Variants in S100Z observed in about 807,000 individuals in gnomAD.
S100Z encodes the protein protein S100-Z.
S100Z carries 11 observed loss-of-function variants against 8.5 expected under a neutral mutation model. The observed-to-expected ratio is 1.30, with a 90% confidence interval of 0.82 to 2.15. The LOEUF is 2.15. Among genes scored for constraint, S100Z ranks in the 30% most tolerant of loss-of-function variants. S100Z has a pLI of 0.00. For missense variants in S100Z, 126 were observed against 117.9 expected, an observed-to-expected ratio of 1.07 and a Z score of -0.32; for synonymous variants, 34 against 43.8, an observed-to-expected ratio of 0.78 and a Z score of 0.89.
chr5:76,881,899 C>G (rs1273278810), intron 4 of S100Z, among the ~76,000 whole-genome samples: 1 of 152,130 alleles, frequency 6.6e-6, no homozygotes, highest in Non-Finnish European at 1.5e-5. Flanking sequence ...ACTTCAGCTT[C>G]CTTTGGAAGT....
intron 1 of S100Z, among the ~76,000 whole-genome samples, chr5:76,852,194 T>C (rs1427678360): frequency 6.6e-6 from 1 of 152,182 alleles, no homozygotes; most frequent in East Asian, 1.9e-4. Context: ...CCACTCCACT[T>C]GGCTGTCTGG....
chr5:76,851,552 C>T (rs1243712927), intron 1 of S100Z, among the ~76,000 whole-genome samples: 1 of 152,068 alleles, frequency 6.6e-6, no homozygotes, highest in Non-Finnish European at 1.5e-5. Context: ...ACTCAGGTTT[C>T]TGGCCATGCA....
At chr5:76,939,374 A>C in the S100Z span, among the ~76,000 whole-genome samples, 1 of 150,656 alleles carries the variant, frequency 6.6e-6, no homozygotes, top group Non-Finnish European at 1.5e-5. Context: ...GGATGGTCTC[A>C]ATCTCCTGAC....
intron 4 of S100Z, among the ~76,000 whole-genome samples, chr5:76,906,237 ATAAT>A (rs1343470059): frequency 4.6e-5 from 7 of 152,256 alleles, no homozygotes; most frequent in African/African-American, 1.7e-4. Context: ...TCCATTGTGA[ATAAT>A]TAAGCTAACA....
At chr5:76,934,458 G>C in the S100Z span, among the ~76,000 whole-genome samples, 2 of 152,172 alleles carry the variant, frequency 1.3e-5, no homozygotes, top group Non-Finnish European at 2.9e-5. Flanking sequence ...AAATGAGTAG[G>C]CAAGTGCTAT....
At chr5:76,866,654 G>T (rs566945320) in intron 1 of S100Z, among the ~76,000 whole-genome samples, 2 of 152,150 alleles carry the variant, frequency 1.3e-5, no homozygotes, top group Non-Finnish European at 2.9e-5. Flanking sequence ...ACAGTTGCCT[G>T]CAGTATTCAG....
At chr5:76,903,930 T>C (rs1451870916) in intron 4 of S100Z, among the ~76,000 whole-genome samples, 1 of 151,940 alleles carries the variant, frequency 6.6e-6, no homozygotes, top group African/African-American at 2.4e-5. Flanking sequence ...AGATGGCTGT[T>C]AGTAGAGACC....
the S100Z span, among the ~76,000 whole-genome samples, chr5:76,933,562 G>A: frequency 2.6e-5 from 4 of 152,126 alleles, no homozygotes; most frequent in East Asian, 1.9e-4. Context: ...TACCATCCCC[G>A]GAGCATTTGT....
chr5:76,914,256 G>A (rs948816837), intron 4 of S100Z, among the ~76,000 whole-genome samples: 3 of 152,114 alleles, frequency 2.0e-5, no homozygotes, highest in Non-Finnish European at 2.9e-5. Flanking sequence ...TTAGAGGGGG[G>A]ATTGAGAGGT....
chr5:76,917,657 T>C (rs914713053), intron 4 of S100Z, among the ~76,000 whole-genome samples: 6 of 152,098 alleles, frequency 3.9e-5, no homozygotes, highest in African/African-American at 1.4e-4. Flanking sequence ...ACCCCATCTC[T>C]ATTGAAAACA....
chr5:76,877,462 C>T (rs371127723), intron 3 of S100Z, among the ~76,000 whole-genome samples: 13 of 152,108 alleles, frequency 8.5e-5, no homozygotes, highest in African/African-American at 3.1e-4. Flanking sequence ...GTTTCTAGGT[C>T]TGAGCCAGGA....
At chr5:76,900,263 A>G (rs1383669643) in intron 4 of S100Z, among the ~76,000 whole-genome samples, 2 of 152,188 alleles carry the variant, frequency 1.3e-5, no homozygotes, top group Non-Finnish European at 2.9e-5. Context: ...GCACTTGAAT[A>G]TTGATATCTT....
intron 4 of S100Z, among the ~76,000 whole-genome samples, chr5:76,883,823 G>C (rs2150651103): frequency 6.6e-6 from 1 of 152,316 alleles, no homozygotes; most frequent in East Asian, 1.9e-4. Flanking sequence ...GCTTGGCCCA[G>C]TGGCCAGATT....
chr5:76,948,106 A>G, the S100Z span, among the ~76,000 whole-genome samples: 66 of 152,214 alleles, frequency 4.3e-4, 3 homozygotes, highest in East Asian at 0.013. Context: ...CAGGTGGATC[A>G]TTTGAGGTCA....
intron 2 of S100Z, among the ~76,000 whole-genome samples, chr5:76,874,977 C>T (rs1423466657): frequency 2.6e-5 from 4 of 152,118 alleles, no homozygotes; most frequent in Admixed American, 1.3e-4. Context: ...CTCCGCCTCC[C>T]GGGTTCACGC....
At chr5:76,867,771 G>A (rs985473875) in intron 1 of S100Z, among the ~76,000 whole-genome samples, 1 of 151,920 alleles carries the variant, frequency 6.6e-6, no homozygotes, top group African/African-American at 2.4e-5. Flanking sequence ...TAGTAGAGAT[G>A]GGGTTTCGCC....
intron 4 of S100Z, among the ~76,000 whole-genome samples, chr5:76,896,696 A>G (rs1356727163): frequency 6.6e-6 from 1 of 152,202 alleles, no homozygotes; most frequent in Non-Finnish European, 1.5e-5. Context: ...CCTTGCCAGC[A>G]TTCATTTTAC....
At chr5:76,903,209 C>T (rs1486152017) in intron 4 of S100Z, among the ~76,000 whole-genome samples, 1 of 152,050 alleles carries the variant, frequency 6.6e-6, no homozygotes, top group African/African-American at 2.4e-5. Context: ...AAGAATAAGG[C>T]TGGTTGCTTT....
chr5:76,935,960 A>G, the S100Z span, among the ~76,000 whole-genome samples: 5,724 of 152,168 alleles, frequency 0.038, 168 homozygotes, highest in Non-Finnish European at 0.055. Context: ...TATTTTTAGT[A>G]GAGATGGGGT....
Sources: gnomAD v4.1 joint callset for allele counts (sites outside exome capture counted in the v4.1 genomes callset) on GRCh38, gnomAD v4.1.1 for gene constraint, MANE v1.5 for transcripts, NCBI Gene and HGNC (gene_info 2026-07-23, HGNC 2026-07-21) for gene names.